Variants in PCDHGB1 observed in about 807,000 individuals in gnomAD.
PCDHGB1 encodes protocadherin gamma subfamily B, 1.
A neutral mutation model predicts 56.6 loss-of-function variants in PCDHGB1; 34 were observed. The observed-to-expected ratio is 0.60, with a 90% CI of 0.46 to 0.80. The LOEUF (loss-of-function observed/expected upper bound fraction) is 0.80. Ranked by LOEUF, PCDHGB1 falls within the 30% of genes least tolerant of loss-of-function variation. PCDHGB1 has a pLI of 0.00. For missense variants in PCDHGB1, 1,278 were observed against 1,204.6 expected, an observed-to-expected ratio of 1.06 and a Z score of -0.90; for synonymous variants, 561 against 505.9, an observed-to-expected ratio of 1.11 and a Z score of -1.46.
At chr5:141,360,406 G>A in intron 1 of PCDHGB1, 1 of 1,613,978 alleles carries the variant, frequency 6.2e-7, no homozygotes. Context: ...TGACAGAATA[G>A]ACCGAGAACA....
intron 1 of PCDHGB1, chr5:141,396,067 T>C (rs924469652): frequency 6.6e-6 from 1 of 152,222 alleles, no homozygotes; most frequent in African/African-American, 2.4e-5. Context: ...GCTGTTTCGG[T>C]TGTGCATTGA....
rs757308340 is a variant in PCDHGB1, at chr5:141,487,575, G to A, written c.2410-7232G>A. ...GCACCTATGGCAGGGGAGCCTGTTC[G>A]CCCAAGCTGCCCACCCTCTGATCTT... On this transcript the variant is annotated intron_variant, in intron 1 of 3. Coordinates refer to ENST00000523390, the MANE Select transcript of PCDHGB1 (RefSeq NM_018922.3). This position sits in a 1 kb window ranked among gnomAD's most constrained non-coding sequence, Gnocchi z 5.0. The A allele has an allele frequency of 3.1e-6, 5 of 1,614,018 alleles. No homozygotes were observed. In the African/African-American group the frequency reaches 4.0e-5, roughly 13 times the overall value.
At position 141,477,961 on chromosome 5, in the gene PCDHGB1, C is replaced by T. The variant is rs199947431; in HGVS notation, c.2410-16846C>T. 21 of 1,614,048 alleles carry T rather than the reference C, an allele frequency of 1.3e-5. No homozygotes were observed. The Admixed American group carries it at 1.5e-4, about 12-fold the overall frequency. On this transcript the variant is annotated intron_variant, in intron 1 of 3. Coordinates refer to ENST00000523390, the MANE Select transcript of PCDHGB1 (RefSeq NM_018922.3). The surrounding 1 kb of genome is among the most constrained non-coding windows in gnomAD (Gnocchi z 4.9). Reference sequence around the variant, plus strand: ...CCTACAGTCTCTTGGGATCCCCTAACCAGAGCCTTTTTGCCATAGGGCTGC... The same window carrying T: ...CCTACAGTCTCTTGGGATCCCCTAATCAGAGCCTTTTTGCCATAGGGCTGC...
chr5:141,477,566 C>T lies in PCDHGB1; in HGVS notation c.2410-17241C>T, dbSNP rs749100730. On this transcript the variant is annotated intron_variant, in intron 1 of 3. Coordinates refer to ENST00000523390, the MANE Select transcript of PCDHGB1 (RefSeq NM_018922.3). The surrounding 1 kb of genome is among the most constrained non-coding windows in gnomAD (Gnocchi z 4.9). ...AATACTAAACCTAAGTGTCTGGGAC[C>T]CCGACGCCCCGCAGAATGCTCGGCT... The T allele has an allele frequency of 1.9e-6, 3 of 1,613,988 alleles. No homozygotes were observed. The highest frequency in any genetic ancestry group is 8.5e-7 in the Non-Finnish European group (1 of 1,180,032).
Position 141,489,712 on chromosome 5 carries a change from C to G in PCDHGB1, c.2410-5095C>G. On this transcript the variant is annotated intron_variant, in intron 1 of 3. Transcript: ENST00000523390. The surrounding 1 kb of genome is among the most constrained non-coding windows in gnomAD (Gnocchi z 4.5). ...GGCACGATTCCCACTGGACAGTGCC[C>G]AGGATCCGGATGTGGGCACCAATAC... The G allele has an allele frequency of 6.2e-7, 1 of 1,614,162 alleles. No individual in the cohort carries two copies. Among genetic ancestry groups the G allele is most frequent in the South Asian group, 1.1e-5 (1 of 91,078 alleles).
At chr5:141,430,078 T>A (rs911861599) in intron 1 of PCDHGB1, among the ~76,000 whole-genome samples, 2 of 152,282 alleles carry the variant, frequency 1.3e-5, no homozygotes, top group Admixed American at 1.3e-4. Context: ...TTCCATAATA[T>A]CATGAAAATT....
chr5:141,388,496 G>A (rs1296141749), intron 1 of PCDHGB1: 9 of 1,613,710 alleles, frequency 5.6e-6, no homozygotes, highest in South Asian at 4.4e-5. Context: ...ACAGAGAAAA[G>A]CAGAAATCCT....
chr5:141,489,793 C>G lies in PCDHGB1; in HGVS notation c.2410-5014C>G. On this transcript the variant is annotated intron_variant, in intron 1 of 3. Transcript: ENST00000523390. This position sits in a 1 kb window ranked among gnomAD's most constrained non-coding sequence, Gnocchi z 4.5. ...CCACTTCTCTCTGAATGTGAAGACC[C>G]TAAAAGATGGGAAGCCATTCCCAGA... 1 of 1,614,160 alleles carries G rather than the reference C, an allele frequency of 6.2e-7. No individual in the cohort carries two copies. The highest frequency in any genetic ancestry group is 1.1e-5 in the South Asian group (1 of 91,078).
At chr5:141,473,635 C>A (rs945632106) in intron 1 of PCDHGB1, among the ~76,000 whole-genome samples, 1 of 152,128 alleles carries the variant, frequency 6.6e-6, no homozygotes, top group African/African-American at 2.4e-5. Flanking sequence ...AGCAGCTTTC[C>A]TGGCAAAGGA....
chr5:141,371,501 C>G, intron 1 of PCDHGB1: 1 of 1,613,882 alleles, frequency 6.2e-7, no homozygotes, highest in South Asian at 1.1e-5. Context: ...TTGCCCTGAT[C>G]AAAACACATG....
intron 1 of PCDHGB1, chr5:141,371,891 G>C (rs771271665): frequency 3.0e-5 from 48 of 1,613,328 alleles, no homozygotes; most frequent in Non-Finnish European, 3.9e-5. Context: ...TGGAGCCGCG[G>C]GAGCTGTCGT....
At position 141,489,108 on chromosome 5, in the gene PCDHGB1, A is replaced by C; in HGVS notation, c.2410-5699A>C. The C allele has an allele frequency of 2.0e-6, 1 of 489,086 alleles. No individual in the cohort carries two copies. The highest frequency in any genetic ancestry group is 3.5e-6 in the Non-Finnish European group (1 of 287,626). 30.3% of individuals were successfully genotyped at this position (489,086 alleles called of 1,614,324 possible). On this transcript the variant is annotated intron_variant, in intron 1 of 3. Transcript: ENST00000523390. This position sits in a 1 kb window ranked among gnomAD's most constrained non-coding sequence, Gnocchi z 4.5. The stretch of plus-strand genomic sequence containing the variant: ...TCGGTGACTAAGAACTGCTGCAAGC[A>C]GGCAAACCTCCGAGCAGTTTTTAAG...
chr5:141,407,601 A>G (rs886898088), intron 1 of PCDHGB1, among the ~76,000 whole-genome samples: 3 of 152,168 alleles, frequency 2.0e-5, no homozygotes, highest in African/African-American at 7.2e-5. Flanking sequence ...CATCTTAAAA[A>G]GAAGCATTGG....
intron 1 of PCDHGB1, chr5:141,392,676 C>G: frequency 1.1e-6 from 1 of 917,280 alleles, no homozygotes. Context: ...AACTGCTGGA[C>G]TGCAGCGAAA....
intron 1 of PCDHGB1, chr5:141,421,287 C>T: frequency 1.2e-6 from 2 of 1,613,240 alleles, no homozygotes; most frequent in Non-Finnish European, 1.7e-6. Flanking sequence ...TGTGCATTTT[C>T]CTGGGGACGC....
chr5:141,369,703 A>C (rs757750981), intron 1 of PCDHGB1, among the ~76,000 whole-genome samples: 1 of 152,372 alleles, frequency 6.6e-6, no homozygotes, highest in East Asian at 1.9e-4. Context: ...AAAAGCTATG[A>C]CATTATAACT....
chr5:141,490,322 A>C lies in PCDHGB1; in HGVS notation c.2410-4485A>C. ...GCCTCTTTGGCCAACCCTGTCCTAGAGAGCACACCAGTGGGCACAGTAGTG... is the reference window on the plus strand; with the variant it reads ...GCCTCTTTGGCCAACCCTGTCCTAGCGAGCACACCAGTGGGCACAGTAGTG... On this transcript the variant is annotated intron_variant, in intron 1 of 3. Coordinates refer to ENST00000523390, the MANE Select transcript of PCDHGB1 (RefSeq NM_018922.3). This position sits in a 1 kb window ranked among gnomAD's most constrained non-coding sequence, Gnocchi z 5.4. The C allele has an allele frequency of 6.2e-7, 1 of 1,614,232 alleles. No individual in the cohort carries two copies. Among genetic ancestry groups the C allele is most frequent in the Non-Finnish European group, 8.5e-7 (1 of 1,180,038 alleles).
intron 1 of PCDHGB1, chr5:141,421,581 C>T (rs2096585155): frequency 2.5e-6 from 4 of 1,613,712 alleles, no homozygotes; most frequent in Admixed American, 1.7e-5. Flanking sequence ...TGAAGATTTA[C>T]GGAGTGGAGG....
Position 141,489,391 on chromosome 5 carries a change from G to C in PCDHGB1, c.2410-5416G>C. 6.2e-7 allele frequency: 1 copy of C among 1,614,174 alleles called. No individual in the cohort carries two copies. The highest frequency in any genetic ancestry group is 8.5e-7 in the Non-Finnish European group (1 of 1,180,022). ...GACGCTGGTGGGGAATGTTGCTCAG[G>C]ATCTGGGCTTAAAGATGACAGATCT... On this transcript the variant is annotated intron_variant, in intron 1 of 3. Transcript: ENST00000523390. This position sits in a 1 kb window ranked among gnomAD's most constrained non-coding sequence, Gnocchi z 4.5.
Sources: gnomAD v4.1 joint callset for allele counts (sites outside exome capture counted in the v4.1 genomes callset) on GRCh38, gnomAD v4.1.1 for gene constraint, Gnocchi (gnomAD v3.1) non-coding constraint, MANE v1.5 for transcripts, NCBI Gene and HGNC (gene_info 2026-07-23, HGNC 2026-07-21) for gene names.